The following ASCC3 variants were observed in gnomAD, a reference collection of about 807,000 sequenced individuals.
ASCC3 encodes the protein ASC-1 complex subunit P200.
A neutral mutation model predicts 256.3 loss-of-function variants in ASCC3; 158 were observed. The ratio of observed to expected loss-of-function variants is 0.62; its 90% CI spans 0.54 to 0.70. The LOEUF (loss-of-function observed/expected upper bound fraction) is 0.70, where lower values mean the gene tolerates loss of function less well. ASCC3 is among the 30% of genes least tolerant of loss of function. The pLI is 0.00. For synonymous variants in ASCC3, 948 were observed against 883.4 expected (o/e 1.07, Z -1.30); for missense variants, 2,259 against 2,626.0 (o/e 0.86, Z 3.05).
At chr6:100,712,370 C>T (rs886700449) in intron 13 of ASCC3, among the ~76,000 whole-genome samples, 2 of 151,750 alleles carry the variant, frequency 1.3e-5, no homozygotes, top group African/African-American at 2.4e-5. Flanking sequence ...AAATATATAC[C>T]CGATAAAGGA....
chr6:100,628,096 AAAAAAAC>A (rs1402945261), intron 27 of ASCC3, 109 bp from the exon 28 acceptor site: 16 of 1,145,628 alleles, frequency 1.4e-5, no homozygotes, highest in Non-Finnish European at 1.7e-5. Context: ...AAAAACAAAA[AAAAAAAC>A]AAAAAAAAAG....
intron 30 of ASCC3, among the ~76,000 whole-genome samples, chr6:100,624,537 G>A (rs544550140): frequency 6.6e-6 from 1 of 152,034 alleles, no homozygotes; most frequent in Non-Finnish European, 1.5e-5. Flanking sequence ...CAGTGGTGAT[G>A]ACACCAATAA....
chr6:100,567,867 T>C (rs1335506705), intron 36 of ASCC3, among the ~76,000 whole-genome samples: 1 of 152,152 alleles, frequency 6.6e-6, no homozygotes, highest in Non-Finnish European at 1.5e-5. Flanking sequence ...TGTGAGTGCA[T>C]GTGTCTTTTT....
At chr6:100,861,275 A>G (rs1037674213) in intron 3 of ASCC3, among the ~76,000 whole-genome samples, 2 of 152,110 alleles carry the variant, frequency 1.3e-5, no homozygotes, top group Non-Finnish European at 2.9e-5. Context: ...CTGTTTCTTC[A>G]CATACAAAAT....
intron 39 of ASCC3, among the ~76,000 whole-genome samples, chr6:100,514,842 CT>C (rs915563512): frequency 2.6e-5 from 4 of 152,130 alleles, no homozygotes; most frequent in Non-Finnish European, 5.9e-5. Context: ...AGTCATACTG[CT>C]TTTTCTCATT....
At chr6:100,699,401 C>T (rs916590381) in intron 13 of ASCC3, among the ~76,000 whole-genome samples, 1 of 152,184 alleles carries the variant, frequency 6.6e-6, no homozygotes, top group Non-Finnish European at 1.5e-5. Flanking sequence ...TCCTTGCCTT[C>T]TGCCATGACT....
intron 25 of ASCC3, among the ~76,000 whole-genome samples, chr6:100,635,508 C>T (rs1245468399): frequency 6.6e-6 from 1 of 151,948 alleles, no homozygotes; most frequent in East Asian, 1.9e-4. Flanking sequence ...GTACTAGACA[C>T]CTAATATACA....
intron 10 of ASCC3, among the ~76,000 whole-genome samples, chr6:100,761,416 A>C (rs1781416049): frequency 6.6e-6 from 1 of 152,192 alleles, no homozygotes; most frequent in African/African-American, 2.4e-5. Flanking sequence ...TGAGCTCAGA[A>C]GGCTGAGGCT....
Position 100,536,149 on chromosome 6 carries a change from G to A in ASCC3, c.5775+4014C>T, listed in dbSNP as rs115063468. On this transcript the variant is annotated intron_variant, in intron 37 of 41. Transcript: ENST00000369162. ...TAGCATCTGCTTTTTGCAAGAGTAA[G>A]GGCTAGTAATTCTAAAACTACAACA... Among the ~76,000 whole-genome samples, 452 of 152,248 alleles carry A rather than the reference G, an allele frequency of 3.0e-3. 3 individuals are homozygous for A. The highest frequency in any genetic ancestry group is 0.011 in the African/African-American group (441 of 41,558).
intron 8 of ASCC3, among the ~76,000 whole-genome samples, chr6:100,796,111 ACAAT>A (rs144780256): frequency 0.012 from 1,772 of 152,306 alleles, 17 homozygotes; most frequent in Non-Finnish European, 0.02. Flanking sequence ...AGAAATCACT[ACAAT>A]CAGATGGCTA....
At chr6:100,701,732 C>A (rs980808912) in intron 13 of ASCC3, among the ~76,000 whole-genome samples, 1 of 151,900 alleles carries the variant, frequency 6.6e-6, no homozygotes, top group Non-Finnish European at 1.5e-5. Context: ...AGTGTTATTA[C>A]AGCTTATAAT....
chr6:100,755,679 G>C (rs766675015), intron 10 of ASCC3, among the ~76,000 whole-genome samples: 7 of 152,068 alleles, frequency 4.6e-5, no homozygotes, highest in Non-Finnish European at 1.0e-4. Flanking sequence ...ACCTGTTCTA[G>C]AGTATAATAA....
At chr6:100,800,591 C>T (rs765393221) in intron 5 of ASCC3, 87 bp from the exon 6 acceptor site, 26 of 987,192 alleles carry the variant, frequency 2.6e-5, no homozygotes, top group Non-Finnish European at 3.7e-5. Flanking sequence ...CTCCACCCCA[C>T]AACATATAAT....
At chr6:100,535,958 C>T (rs556031093) in intron 37 of ASCC3, among the ~76,000 whole-genome samples, 4 of 152,042 alleles carry the variant, frequency 2.6e-5, no homozygotes, top group African/African-American at 9.6e-5. Flanking sequence ...TATAGTGTAG[C>T]CATTAGAAAT....
intron 2 of ASCC3, among the ~76,000 whole-genome samples, chr6:100,865,992 T>C (rs1232954699): frequency 6.6e-6 from 1 of 151,656 alleles, no homozygotes; most frequent in Non-Finnish European, 1.5e-5. Context: ...ATTTTTGAGA[T>C]GGAGTCTCGC....
chr6:100,519,207 C>T (rs1774181504), intron 37 of ASCC3, among the ~76,000 whole-genome samples: 1 of 152,066 alleles, frequency 6.6e-6, no homozygotes. Flanking sequence ...TAAAAAACAT[C>T]TGGTTAAACG....
chr6:100,607,120 A>T, intron 30 of ASCC3, 32 bp from the exon 31 acceptor site: 1 of 1,607,256 alleles, frequency 6.2e-7, no homozygotes, highest in South Asian at 1.1e-5. Flanking sequence ...CAAGATGTAG[A>T]TGCATAACTT....
At chr6:100,605,033 C>A (rs1772811928) in intron 33 of ASCC3, among the ~76,000 whole-genome samples, 1 of 152,094 alleles carries the variant, frequency 6.6e-6, no homozygotes, top group African/African-American at 2.4e-5. Flanking sequence ...TAGGATGATT[C>A]TCAAATGAGC....
chr6:100,715,349 C>T, intron 13 of ASCC3, 113 bp downstream of exon 13: 1 of 890,796 alleles, frequency 1.1e-6, no homozygotes, highest in South Asian at 1.5e-5. Flanking sequence ...GAGTCATTGC[C>T]TCAGAATTAA....
Sources: allele counts gnomAD v4.1 joint callset (sites outside exome capture counted in the v4.1 genomes callset), GRCh38; gene constraint gnomAD v4.1.1; transcripts MANE v1.5; gene names NCBI Gene and HGNC (gene_info 2026-07-23, HGNC 2026-07-21).